Variants in SPOCK1 observed in about 807,000 individuals in gnomAD.
SPOCK1 encodes SPARC (osteonectin), cwcv and kazal like domains proteoglycan 1.
A neutral mutation model predicts 55.3 loss-of-function variants in SPOCK1; 23 were observed. The ratio of observed to expected loss-of-function variants is 0.42; its 90% CI spans 0.30 to 0.59. The LOEUF (loss-of-function observed/expected upper bound fraction) is 0.59. Ranked by LOEUF, SPOCK1 falls within the 20% of genes least tolerant of loss-of-function variation. The pLI, the probability that SPOCK1 is intolerant of heterozygous loss-of-function variation, is 0.22. For missense variants in SPOCK1, 499 were observed against 552.5 expected (o/e 0.90, Z 0.97); for synonymous variants, 226 against 221.0 (o/e 1.02, Z -0.20).
intron 3 of SPOCK1, among the ~76,000 whole-genome samples, chr5:137,190,075 G>A (rs946467740): frequency 6.6e-6 from 1 of 151,070 alleles, no homozygotes; most frequent in Non-Finnish European, 1.5e-5. Flanking sequence ...AAAAGAAAGT[G>A]GTTTATTGAG....
chr5:137,456,907 A>G (rs531779170), intron 2 of SPOCK1, among the ~76,000 whole-genome samples: 3 of 152,342 alleles, frequency 2.0e-5, no homozygotes, highest in Middle Eastern at 6.8e-3. Context: ...AATACACACT[A>G]CCAACTACTA....
At chr5:137,301,465 C>G (rs1216336504) in intron 2 of SPOCK1, among the ~76,000 whole-genome samples, 1 of 152,128 alleles carries the variant, frequency 6.6e-6, no homozygotes, top group Non-Finnish European at 1.5e-5. Flanking sequence ...GAAGCATGAA[C>G]AGCTCCATAT....
intron 2 of SPOCK1, among the ~76,000 whole-genome samples, chr5:137,310,587 A>G (rs1288962828): frequency 1.3e-5 from 2 of 152,204 alleles, no homozygotes; most frequent in African/African-American, 4.8e-5. Context: ...TGACGAAAGG[A>G]GAATTTGCAC....
intron 4 of SPOCK1, among the ~76,000 whole-genome samples, chr5:137,124,703 AAG>A (rs1466779270): frequency 5.3e-5 from 8 of 152,150 alleles, no homozygotes; most frequent in South Asian, 4.2e-4. Flanking sequence ...CAGCACTCTG[AAG>A]AACACAGAAC....
chr5:137,071,651 C>T (rs1384163897), intron 5 of SPOCK1, among the ~76,000 whole-genome samples: 2 of 152,138 alleles, frequency 1.3e-5, no homozygotes, highest in African/African-American at 4.8e-5. Flanking sequence ...TAGAACCACA[C>T]CTCCCAGAAA....
chr5:136,988,110 C>G (rs911036986), intron 8 of SPOCK1, among the ~76,000 whole-genome samples: 3 of 152,116 alleles, frequency 2.0e-5, no homozygotes, highest in African/African-American at 7.2e-5. Context: ...CTCACAGTGA[C>G]CTTTGGATTA....
intron 2 of SPOCK1, among the ~76,000 whole-genome samples, chr5:137,449,662 G>A (rs2149834295): frequency 6.6e-6 from 1 of 152,216 alleles, no homozygotes. Context: ...GCCGAAGTAG[G>A]AGGATGGCTT....
intron 3 of SPOCK1, among the ~76,000 whole-genome samples, chr5:137,189,573 T>G (rs144180657): frequency 6.6e-6 from 1 of 152,220 alleles, no homozygotes; most frequent in African/African-American, 2.4e-5. Flanking sequence ...GAAATAATAC[T>G]GCTCATTCAC....
chr5:137,362,766 T>G (rs1434115758), intron 2 of SPOCK1, among the ~76,000 whole-genome samples: 2 of 152,214 alleles, frequency 1.3e-5, no homozygotes, highest in South Asian at 4.1e-4. Flanking sequence ...TGCCTTCAAA[T>G]AAACCTCTAT....
At chr5:137,055,972 C>T (rs905786591) in intron 6 of SPOCK1, among the ~76,000 whole-genome samples, 1 of 152,162 alleles carries the variant, frequency 6.6e-6, no homozygotes, top group Non-Finnish European at 1.5e-5. Flanking sequence ...ACCTAAGTCA[C>T]CTACAAAACC....
At chr5:137,388,528 C>A (rs908237813) in intron 2 of SPOCK1, among the ~76,000 whole-genome samples, 5 of 152,138 alleles carry the variant, frequency 3.3e-5, no homozygotes, top group Non-Finnish European at 1.5e-5. Context: ...TATGATGACC[C>A]GTACCATCTC....
chr5:137,471,466 A>G (rs972820165), intron 2 of SPOCK1, among the ~76,000 whole-genome samples: 13 of 152,186 alleles, frequency 8.5e-5, no homozygotes, highest in African/African-American at 3.1e-4. Flanking sequence ...ATGGAATACA[A>G]GTAACATGCT....
chr5:137,212,603 A>G (rs776737859), intron 3 of SPOCK1, among the ~76,000 whole-genome samples: 8 of 152,238 alleles, frequency 5.3e-5, no homozygotes, highest in South Asian at 4.1e-4. Context: ...ATAGTGCCTG[A>G]TTAACAATCT....
intron 2 of SPOCK1, among the ~76,000 whole-genome samples, chr5:137,362,492 G>A (rs1014031908): frequency 3.9e-5 from 6 of 152,022 alleles, no homozygotes; most frequent in Admixed American, 3.9e-4. Context: ...ACCACGCCCG[G>A]CTAATTTCTT....
intron 2 of SPOCK1, among the ~76,000 whole-genome samples, chr5:137,378,251 C>A (rs1041455199): frequency 4.6e-5 from 7 of 152,302 alleles, no homozygotes; most frequent in African/African-American, 1.7e-4. Flanking sequence ...GCCTTCCCTT[C>A]CATTTCTTAG....
chr5:137,243,915 G>A (rs1394940220), intron 3 of SPOCK1, among the ~76,000 whole-genome samples: 1 of 152,116 alleles, frequency 6.6e-6, no homozygotes, highest in African/African-American at 2.4e-5. Flanking sequence ...GGATCTATGG[G>A]CAATGAACAG....
intron 2 of SPOCK1, among the ~76,000 whole-genome samples, chr5:137,480,393 C>T (rs1437596434): frequency 1.3e-5 from 2 of 151,688 alleles, no homozygotes; most frequent in East Asian, 1.9e-4. Context: ...ATCAATATTG[C>T]CCCAAGACAA....
intron 5 of SPOCK1, among the ~76,000 whole-genome samples, chr5:137,107,826 G>A (rs926045995): frequency 1.6e-4 from 25 of 152,204 alleles, no homozygotes; most frequent in African/African-American, 4.8e-4. Context: ...CCCCGGTGAT[G>A]CTCACACAGC....
intron 6 of SPOCK1, among the ~76,000 whole-genome samples, chr5:137,036,916 A>AC (rs1442902430): frequency 1.3e-5 from 2 of 151,708 alleles, no homozygotes; most frequent in Non-Finnish European, 2.9e-5. Context: ...AGTCCCATTC[A>AC]CCCCCCAACC....
Sources: allele counts gnomAD v4.1 joint callset (sites outside exome capture counted in the v4.1 genomes callset), GRCh38; gene constraint gnomAD v4.1.1; transcripts MANE v1.5; gene names NCBI Gene and HGNC (gene_info 2026-07-23, HGNC 2026-07-21).